Variants in KALRN observed in about 807,000 individuals in gnomAD.
KALRN encodes the protein kalirin.
KALRN carries 70 observed loss-of-function variants against 353.7 expected under a neutral mutation model. The observed-to-expected ratio is 0.20, with a 90% confidence interval of 0.16 to 0.24. The LOEUF is 0.24. Among genes scored for constraint, KALRN ranks in the 10% least tolerant of loss-of-function variants. The probability of loss-of-function intolerance (pLI) is 1.00; values close to 1 mark genes in which losing one functional copy is unlikely to be tolerated. For synonymous variants in KALRN, 1,391 were observed against 1,434.8 expected, an observed-to-expected ratio of 0.97 and a Z score of 0.69; for missense variants, 2,791 against 3,756.7, an observed-to-expected ratio of 0.74 and a Z score of 6.72.
chr3:124,713,175 A>G (rs762606418), intron 58 of KALRN, 40 bp downstream of exon 58: 10 of 1,541,864 alleles, frequency 6.5e-6, no homozygotes, highest in Non-Finnish European at 8.8e-7. Context: ...GCCTGCATCC[A>G]TTTAGGTTAG....
At chr3:124,476,041 T>C (rs540399336) in intron 26 of KALRN, among the ~76,000 whole-genome samples, 2 of 152,162 alleles carry the variant, frequency 1.3e-5, no homozygotes, top group African/African-American at 4.8e-5. Flanking sequence ...ATAAGAATGA[T>C]TTATCATCAT....
chr3:124,429,537 TA>T (rs1458235922), intron 15 of KALRN, among the ~76,000 whole-genome samples: 2 of 152,222 alleles, frequency 1.3e-5, no homozygotes, highest in Admixed American at 1.3e-4. Context: ...TCAGACTCCC[TA>T]ATAAAGAAAG....
chr3:124,610,765 C>T (rs529900644), intron 34 of KALRN, among the ~76,000 whole-genome samples: 32 of 151,990 alleles, frequency 2.1e-4, no homozygotes, highest in Non-Finnish European at 3.4e-4. Flanking sequence ...AAGCCCAGCA[C>T]TTTGGGAGGC....
At chr3:124,299,696 A>T (rs1368201324) in intron 6 of KALRN, among the ~76,000 whole-genome samples, 3 of 152,256 alleles carry the variant, frequency 2.0e-5, no homozygotes, top group Non-Finnish European at 2.9e-5. Context: ...ACTGTAAAAC[A>T]ATGAGAACGG....
At chr3:124,113,942 T>A (rs921455699) in intron 1 of KALRN, among the ~76,000 whole-genome samples, 1 of 152,184 alleles carries the variant, frequency 6.6e-6, no homozygotes, top group Non-Finnish European at 1.5e-5. Flanking sequence ...AGGGCCATGG[T>A]GAATATCTGT....
chr3:124,329,269 C>A (rs566521197), intron 7 of KALRN, among the ~76,000 whole-genome samples: 1 of 152,208 alleles, frequency 6.6e-6, no homozygotes, highest in African/African-American at 2.4e-5. Context: ...CACAGCCTGT[C>A]CCCCTAGACT....
At chr3:124,467,664 A>T (rs12485658) in intron 25 of KALRN, among the ~76,000 whole-genome samples, 41,910 of 152,000 alleles carry the variant, frequency 0.28, 6,924 homozygotes, top group East Asian at 0.6. Context: ...ATCCTGGGTC[A>T]TGGGAAGCAG....
At chr3:124,461,805 T>C in intron 23 of KALRN, 85 bp from the exon 24 acceptor site, 4 of 927,168 alleles carry the variant, frequency 4.3e-6, no homozygotes, top group Non-Finnish European at 7.0e-6. Flanking sequence ...AAGAATGTCA[T>C]ACATGCTGGG....
intron 7 of KALRN, among the ~76,000 whole-genome samples, chr3:124,326,653 A>G (rs556648957): frequency 5.3e-5 from 8 of 152,370 alleles, no homozygotes; most frequent in Admixed American, 2.0e-4. Context: ...GTGGCCAGGC[A>G]TTGGCCAGTG....
intron 57 of KALRN, among the ~76,000 whole-genome samples, chr3:124,710,803 T>C (rs2062851591): frequency 6.6e-6 from 1 of 152,164 alleles, no homozygotes; most frequent in Admixed American, 6.5e-5. Flanking sequence ...AAAATGGGGA[T>C]GAATTGTTTT....
At chr3:124,616,751 G>T (rs1393439214) in intron 34 of KALRN, among the ~76,000 whole-genome samples, 4 of 152,122 alleles carry the variant, frequency 2.6e-5, no homozygotes, top group African/African-American at 9.7e-5. Flanking sequence ...GGATCATGAG[G>T]TCAGGAGATC....
intron 1 of KALRN, among the ~76,000 whole-genome samples, chr3:124,199,353 C>T (rs1204590959): frequency 6.6e-6 from 1 of 152,212 alleles, no homozygotes; most frequent in Non-Finnish European, 1.5e-5. Flanking sequence ...ACCTCTGGCT[C>T]CTTGGACTCT....
intron 1 of KALRN, among the ~76,000 whole-genome samples, chr3:124,096,865 T>A (rs2061484403): frequency 6.6e-6 from 1 of 152,260 alleles, no homozygotes; most frequent in Admixed American, 6.5e-5. Flanking sequence ...ATTTATGGGT[T>A]GATAGATTAA....
At chr3:124,713,870 A>G (rs2063006723) in intron 58 of KALRN, among the ~76,000 whole-genome samples, 1 of 152,192 alleles carries the variant, frequency 6.6e-6, no homozygotes, top group South Asian at 2.1e-4. Flanking sequence ...ATTGCCGAGT[A>G]TGGCTCCACA....
rs2063347853 is a variant in KALRN, at chr3:124,721,128, T to TA, written c.*1664dup. The TA allele has an allele frequency of 6.6e-6, 1 of 152,132 alleles. No individual in the cohort carries two copies. 9.4% of individuals were successfully genotyped at this position (152,132 alleles called of 1,614,324 possible). Reference sequence around the variant, plus strand: ...GAAACTAAGCCTGAACTTTAACATATAAAAAACACTTATTCCCACAGAGAA... The same window carrying TA: ...GAAACTAAGCCTGAACTTTAACATATAAAAAAACACTTATTCCCACAGAGAA... On this transcript the variant is annotated 3_prime_UTR_variant, in exon 60 of 60. Transcript: ENST00000682506.
intron 1 of KALRN, among the ~76,000 whole-genome samples, chr3:124,134,404 C>A (rs2065679007): frequency 6.6e-6 from 1 of 152,142 alleles, no homozygotes. Context: ...AGACTTAAGA[C>A]CTGAAACTAT....
chr3:124,398,171 T>C (rs377378969), intron 12 of KALRN, among the ~76,000 whole-genome samples: 1 of 152,222 alleles, frequency 6.6e-6, no homozygotes, highest in Non-Finnish European at 1.5e-5. Context: ...CCCATAACTT[T>C]AGCATAGCTT....
At chr3:124,536,943 G>A (rs965956738) in intron 33 of KALRN, among the ~76,000 whole-genome samples, 3 of 152,210 alleles carry the variant, frequency 2.0e-5, no homozygotes, top group African/African-American at 7.2e-5. Context: ...ACATCTTCAT[G>A]CAGGGGATGT....
At chr3:124,460,697 C>T (rs1010529728) in intron 23 of KALRN, among the ~76,000 whole-genome samples, 2 of 152,208 alleles carry the variant, frequency 1.3e-5, no homozygotes, top group Non-Finnish European at 2.9e-5. Flanking sequence ...GAGGCAAGTC[C>T]TACCTCTGGT....
Sources: gnomAD v4.1 joint callset for allele counts (sites outside exome capture counted in the v4.1 genomes callset) on GRCh38, gnomAD v4.1.1 for gene constraint, MANE v1.5 for transcripts, NCBI Gene and HGNC (gene_info 2026-07-23, HGNC 2026-07-21) for gene names.